PACRG: variants seen among roughly 807,000 people sequenced by gnomAD.
PACRG encodes parkin coregulated.
Under a neutral mutation model 29.7 loss-of-function variants are expected in PACRG, and 29 were observed. The observed-to-expected ratio is 0.98, with a 90% CI of 0.73 to 1.33. The LOEUF is 1.33. Ranked by LOEUF, PACRG falls within the 40% of genes most tolerant of loss-of-function variation. PACRG has a pLI of 0.00. For missense variants in PACRG, 279 were observed against 316.2 expected (o/e 0.88, Z 0.89); for synonymous variants, 116 against 118.7 (o/e 0.98, Z 0.15).
intron 4 of PACRG, among the ~76,000 whole-genome samples, chr6:163,214,089 G>A (rs555524648): frequency 1.9e-4 from 29 of 151,914 alleles, no homozygotes; most frequent in Non-Finnish European, 2.6e-4. Flanking sequence ...AACATGCTTC[G>A]GTAGAGTATT....
At chr6:162,946,635 A>G (rs1799030817) in intron 2 of PACRG, among the ~76,000 whole-genome samples, 1 of 152,138 alleles carries the variant, frequency 6.6e-6, no homozygotes, top group African/African-American at 2.4e-5. Flanking sequence ...AACTCATTCT[A>G]AGAAGCCAGC....
intron 2 of PACRG, among the ~76,000 whole-genome samples, chr6:162,857,340 GCCACC>G (rs1431782498): frequency 6.6e-6 from 1 of 152,198 alleles, no homozygotes; most frequent in Non-Finnish European, 1.5e-5. Context: ...TCCTCATTAA[GCCACC>G]CTTGTTTTAG....
chr6:163,192,703 T>C (rs544411172), intron 4 of PACRG, among the ~76,000 whole-genome samples: 1 of 152,350 alleles, frequency 6.6e-6, no homozygotes, highest in South Asian at 2.1e-4. Context: ...ATGGATGGCT[T>C]ATGTGGATCT....
At chr6:162,732,497 C>T (rs1779846376) in intron 1 of PACRG, among the ~76,000 whole-genome samples, 1 of 152,138 alleles carries the variant, frequency 6.6e-6, no homozygotes, top group Non-Finnish European at 1.5e-5. Flanking sequence ...GGCTCAAACT[C>T]ACAATGTTTT....
chr6:162,955,563 T>G (rs911852527), intron 2 of PACRG, among the ~76,000 whole-genome samples: 4 of 152,222 alleles, frequency 2.6e-5, no homozygotes, highest in South Asian at 2.1e-4. Flanking sequence ...CCTCCCAAAG[T>G]GCTGGGATTA....
chr6:162,828,770 T>C (rs1010777320), intron 2 of PACRG, among the ~76,000 whole-genome samples: 1 of 152,176 alleles, frequency 6.6e-6, no homozygotes, highest in Non-Finnish European at 1.5e-5. Context: ...CCTAACTTAA[T>C]AATTTGCCCT....
At chr6:163,273,166 T>TA (rs1783904813) in intron 4 of PACRG, among the ~76,000 whole-genome samples, 1 of 147,196 alleles carries the variant, frequency 6.8e-6, no homozygotes, top group Non-Finnish European at 1.5e-5. Context: ...GTGCTGGGAT[T>TA]ACAGGCGTGA....
intron 4 of PACRG, among the ~76,000 whole-genome samples, chr6:163,141,176 G>GA (rs1323322993): frequency 1.3e-5 from 2 of 151,792 alleles, no homozygotes; most frequent in Non-Finnish European, 2.9e-5. Flanking sequence ...CGAGTGCTGA[G>GA]AAAAAACAAA....
chr6:162,977,581 A>C (rs922377013), intron 2 of PACRG, among the ~76,000 whole-genome samples: 2 of 151,958 alleles, frequency 1.3e-5, no homozygotes, highest in Admixed American at 6.6e-5. Context: ...AACCCTTCCA[A>C]CTTCAAGAGC....
chr6:163,084,105 T>C (rs1813323090), intron 3 of PACRG, among the ~76,000 whole-genome samples: 1 of 152,170 alleles, frequency 6.6e-6, no homozygotes, highest in African/African-American at 2.4e-5. Context: ...GAAATCCAAT[T>C]TTCTGAATAG....
At chr6:163,147,503 T>C (rs1777847981) in intron 4 of PACRG, among the ~76,000 whole-genome samples, 1 of 152,206 alleles carries the variant, frequency 6.6e-6, no homozygotes, top group South Asian at 2.1e-4. Context: ...CAGTATCTCC[T>C]AACAAATTCC....
At chr6:163,258,198 C>A (rs1421639313) in intron 4 of PACRG, among the ~76,000 whole-genome samples, 1 of 152,130 alleles carries the variant, frequency 6.6e-6, no homozygotes, top group Non-Finnish European at 1.5e-5. Context: ...AAAGTAGAAT[C>A]TATTCCTAAT....
intron 2 of PACRG, among the ~76,000 whole-genome samples, chr6:162,885,952 T>C (rs958277838): frequency 3.3e-5 from 5 of 152,246 alleles, no homozygotes; most frequent in African/African-American, 1.2e-4. Flanking sequence ...TGTTACAATA[T>C]TGTTATTTGG....
chr6:163,266,132 G>T (rs1405003597), intron 4 of PACRG, among the ~76,000 whole-genome samples: 1 of 152,132 alleles, frequency 6.6e-6, no homozygotes, highest in African/African-American at 2.4e-5. Flanking sequence ...TTCACTTATT[G>T]GTGAATTTTT....
intron 1 of PACRG, among the ~76,000 whole-genome samples, chr6:162,805,723 G>C (rs1259148158): frequency 6.6e-6 from 1 of 152,096 alleles, no homozygotes; most frequent in Non-Finnish European, 1.5e-5. Flanking sequence ...AATGTTCAAA[G>C]TATCTTCACC....
intron 4 of PACRG, among the ~76,000 whole-genome samples, chr6:163,094,296 A>G (rs1006772481): frequency 6.6e-6 from 1 of 152,246 alleles, no homozygotes; most frequent in African/African-American, 2.4e-5. Flanking sequence ...CATGATTTAC[A>G]TTTTAGAAAT....
intron 2 of PACRG, among the ~76,000 whole-genome samples, chr6:162,861,103 A>G (rs1006536395): frequency 2.6e-5 from 4 of 152,232 alleles, no homozygotes; most frequent in African/African-American, 9.6e-5. Flanking sequence ...TGTTTGCAAG[A>G]AGAATATTTA....
At chr6:163,023,268 G>T (rs1585028592) in intron 2 of PACRG, among the ~76,000 whole-genome samples, 3 of 152,024 alleles carry the variant, frequency 2.0e-5, no homozygotes, top group Admixed American at 2.0e-4. Context: ...TTGTTTCCTT[G>T]TTCATGTCCA....
At chr6:162,932,049 C>T (rs559664205) in intron 2 of PACRG, among the ~76,000 whole-genome samples, 11 of 151,984 alleles carry the variant, frequency 7.2e-5, no homozygotes, top group African/African-American at 2.2e-4. Flanking sequence ...TGATGATGTA[C>T]GCATACTACA....
Sources: allele counts gnomAD v4.1 joint callset (sites outside exome capture counted in the v4.1 genomes callset), GRCh38; gene constraint gnomAD v4.1.1; transcripts MANE v1.5; gene names NCBI Gene and HGNC (gene_info 2026-07-23, HGNC 2026-07-21).